The following GNG7 variants were observed in gnomAD, a reference collection of about 807,000 sequenced individuals.
GNG7 encodes the protein guanine nucleotide-binding protein G(I)/G(S)/G(O) subunit gamma-7.
Under a neutral mutation model 4.0 loss-of-function variants are expected in GNG7, and 1 was observed. The observed-to-expected ratio is 0.25, with a 90% CI of 0.09 to 1.18. The LOEUF is 1.18. Ranked by LOEUF, GNG7 falls within the 50% of genes most tolerant of loss-of-function variation. GNG7 has a pLI of 0.50. For missense variants in GNG7, 86 were observed against 91.9 expected (o/e 0.94, Z 0.26); for synonymous variants, 34 against 36.9 (o/e 0.92, Z 0.29).
chr19:2,607,453 T>C (rs1327021084), intron 2 of GNG7, among the ~76,000 whole-genome samples: 1 of 142,164 alleles, frequency 7.0e-6, no homozygotes, highest in East Asian at 2.1e-4. Flanking sequence ...TGCTTGAACC[T>C]GGGAGGCAGA....
chr19:2,604,521 G>C (rs1180551435), intron 2 of GNG7, among the ~76,000 whole-genome samples: 1 of 142,140 alleles, frequency 7.0e-6, no homozygotes, highest in African/African-American at 2.6e-5. Context: ...GCGAGGGAGG[G>C]AGGGAGGGAG....
intron 2 of GNG7, among the ~76,000 whole-genome samples, chr19:2,601,100 A>C (rs1253314329): frequency 6.6e-6 from 1 of 151,684 alleles, no homozygotes; most frequent in Non-Finnish European, 1.5e-5. Context: ...ACGCCACTAC[A>C]CTCCAGCCTG....
At position 2,633,148 on chromosome 19, in the gene GNG7, A is replaced by G. The variant is rs1247025052; in HGVS notation, c.-78+13076T>C. 6.6e-6 allele frequency among the ~76,000 whole-genome samples: 1 copy of G among 152,222 alleles called. No homozygotes were observed. Among genetic ancestry groups the G allele is most frequent in the Non-Finnish European group, 1.5e-5 (1 of 68,034 alleles). Reference sequence around the variant, plus strand: ...GGGCCCTGCAGGTGGGTGCTGGTTCACTAAAACGATGAAGCGGATGGGAGG... The same window carrying G: ...GGGCCCTGCAGGTGGGTGCTGGTTCGCTAAAACGATGAAGCGGATGGGAGG... On this transcript the variant is annotated intron_variant, in intron 2 of 4. Transcript: ENST00000382159. This position sits in a 1 kb window ranked among gnomAD's most constrained non-coding sequence, Gnocchi z 5.9.
chr19:2,674,406 C>T (rs1233603418), intron 1 of GNG7, among the ~76,000 whole-genome samples: 1 of 151,858 alleles, frequency 6.6e-6, no homozygotes, highest in African/African-American at 2.4e-5. Flanking sequence ...GCAAGGTCTC[C>T]AAAGGTGACT....
intron 2 of GNG7, among the ~76,000 whole-genome samples, chr19:2,628,710 T>G (rs921978918): frequency 2.7e-5 from 4 of 150,142 alleles, no homozygotes; most frequent in Non-Finnish European, 4.4e-5. Context: ...GCACCCACCA[T>G]TCTCCCTTCT....
At chr19:2,690,382 AAAAAT>A (rs983428893) in intron 1 of GNG7, among the ~76,000 whole-genome samples, 2 of 152,074 alleles carry the variant, frequency 1.3e-5, no homozygotes, top group African/African-American at 2.4e-5. Context: ...TTCTGTCTCA[AAAAAT>A]AAAATAAAAT....
intron 2 of GNG7, among the ~76,000 whole-genome samples, chr19:2,628,540 A>G (rs1982076919): frequency 6.6e-6 from 1 of 150,424 alleles, no homozygotes; most frequent in African/African-American, 2.5e-5. Context: ...TATATATATA[A>G]CATAAGACGG....
intron 2 of GNG7, among the ~76,000 whole-genome samples, chr19:2,573,701 G>T (rs374400051): frequency 1.8e-4 from 27 of 152,206 alleles, no homozygotes; most frequent in African/African-American, 6.5e-4. Context: ...AAATTAGCCA[G>T]GCGTGGTCGT....
chr19:2,513,520 C>G lies in GNG7; in HGVS notation c.*1502G>C, dbSNP rs989083198. ...GCAGTCATCTTTCAGAAGCCTCCCC[C>G]CGACCCCATGACATCTTCGATTTCC... is the stretch of plus-strand genomic sequence containing the variant. On this transcript the variant is annotated 3_prime_UTR_variant, in exon 5 of 5. Coordinates refer to ENST00000382159, the MANE Select transcript of GNG7 (RefSeq NM_052847.3). The G allele has an allele frequency of 1.0e-6, 1 of 985,528 alleles. No homozygotes were observed. The highest frequency in any genetic ancestry group is 1.7e-5 in the African/African-American group (1 of 57,248). 61.0% of individuals were successfully genotyped at this position (985,528 alleles called of 1,614,324 possible). A position where few individuals can be genotyped will look rare whatever the true frequency, so the allele number is the denominator to read the frequency against.
intron 1 of GNG7, among the ~76,000 whole-genome samples, chr19:2,666,333 C>T (rs528222304): frequency 1.3e-5 from 2 of 151,974 alleles, no homozygotes; most frequent in Non-Finnish European, 2.9e-5. Flanking sequence ...CCAACATGCC[C>T]GGCTAATTTC....
intron 2 of GNG7, among the ~76,000 whole-genome samples, chr19:2,591,366 A>G (rs967293737): frequency 2.6e-5 from 4 of 152,098 alleles, no homozygotes; most frequent in Non-Finnish European, 5.9e-5. Flanking sequence ...TAATGCATGC[A>G]GGATGATTTC....
At chr19:2,540,806 G>A (rs1978935896) in intron 3 of GNG7, among the ~76,000 whole-genome samples, 1 of 152,236 alleles carries the variant, frequency 6.6e-6, no homozygotes, top group Non-Finnish European at 1.5e-5. Flanking sequence ...ACTCTTGGAG[G>A]TGTTTTCCAG....
At position 2,609,363 on chromosome 19, in the gene GNG7, C is replaced by T. The variant is rs1477459975; in HGVS notation, c.-78+36861G>A. On this transcript the variant is annotated intron_variant, in intron 2 of 4. Coordinates refer to ENST00000382159, the MANE Select transcript of GNG7 (RefSeq NM_052847.3). This position sits in a 1 kb window ranked among gnomAD's most constrained non-coding sequence, Gnocchi z 4.4. ...CACTAAAGTGTTATTTCATCTTGGT[C>T]GCTGAGGTTTTTTAGCGCCCCCTTC... is the stretch of plus-strand genomic sequence containing the variant. Among the ~76,000 whole-genome samples the T allele has an allele frequency of 1.3e-5, 2 of 152,092 alleles. No homozygotes were observed. Among genetic ancestry groups the T allele is most frequent in the Non-Finnish European group, 2.9e-5 (2 of 68,026 alleles).
At chr19:2,686,057 C>A (rs527246064) in intron 1 of GNG7, among the ~76,000 whole-genome samples, 2 of 152,058 alleles carry the variant, frequency 1.3e-5, no homozygotes, top group African/African-American at 4.8e-5. Context: ...TTCATCAGAG[C>A]GAGAATGTGG....
chr19:2,642,447 C>A, intron 2 of GNG7: 1 of 327,322 alleles, frequency 3.1e-6, no homozygotes, highest in South Asian at 2.5e-5. Flanking sequence ...CCCACTGCAG[C>A]CTCGACCTCC....
chr19:2,656,733 CA>C (rs1982985764), intron 1 of GNG7, among the ~76,000 whole-genome samples: 1 of 152,120 alleles, frequency 6.6e-6, no homozygotes, highest in South Asian at 2.1e-4. Flanking sequence ...ACATATCATC[CA>C]TGGCTGCTTC....
intron 2 of GNG7, among the ~76,000 whole-genome samples, chr19:2,560,057 G>T (rs1979693468): frequency 6.6e-6 from 1 of 152,104 alleles, no homozygotes; most frequent in African/African-American, 2.4e-5. Flanking sequence ...CACCTAGGAG[G>T]GGAAACGGGG....
Position 2,546,706 on chromosome 19 carries a change from CAG to C in GNG7, c.-38+8441_-38+8442del, listed in dbSNP as rs1179270286. On this transcript the variant is annotated intron_variant, in intron 3 of 4. Coordinates refer to ENST00000382159, the MANE Select transcript of GNG7 (RefSeq NM_052847.3). The surrounding 1 kb of genome is among the most constrained non-coding windows in gnomAD (Gnocchi z 6.3). Reference sequence around the variant, plus strand: ...TGTTCAGACAAAGAGGCCGCGACGACAGAGGGTGACGCGCCGCCAGTGTGGGT... The same window carrying C: ...TGTTCAGACAAAGAGGCCGCGACGACAGGGTGACGCGCCGCCAGTGTGGGT... 6.6e-6 allele frequency among the ~76,000 whole-genome samples: 1 copy of C among 152,318 alleles called. No individual in the cohort carries two copies. The highest frequency in any genetic ancestry group is 6.5e-5 in the Admixed American group (1 of 15,286).
intron 1 of GNG7, among the ~76,000 whole-genome samples, chr19:2,692,028 T>C (rs1235507206): frequency 6.6e-6 from 1 of 152,184 alleles, no homozygotes; most frequent in African/African-American, 2.4e-5. Flanking sequence ...CTGGAGCCTC[T>C]AGAAGGAGCG....
Sources: allele counts gnomAD v4.1 joint callset (sites outside exome capture counted in the v4.1 genomes callset), GRCh38; gene constraint gnomAD v4.1.1; non-coding constraint Gnocchi (gnomAD v3.1); transcripts MANE v1.5; gene names NCBI Gene and HGNC (gene_info 2026-07-23, HGNC 2026-07-21).